SP6: variants seen among roughly 807,000 people sequenced by gnomAD.
SP6 encodes transcription factor Sp6.
A neutral mutation model predicts 23.4 loss-of-function variants in SP6; 10 were observed. That is an observed-to-expected ratio of 0.43 (90% CI 0.26 to 0.72). SP6 has a LOEUF of 0.72. Ranked by LOEUF, SP6 falls within the 30% of genes least tolerant of loss-of-function variation. The pLI is 0.23. For missense variants in SP6, 482 were observed against 523.8 expected, an observed-to-expected ratio of 0.92 and a Z score of 0.78; for synonymous variants, 238 against 238.7, an observed-to-expected ratio of 1.00 and a Z score of 0.03.
chr17:47,854,446 C>T (rs1323319610), upstream of SP6, among the ~76,000 whole-genome samples: 4 of 152,194 alleles, frequency 2.6e-5, no homozygotes, highest in Non-Finnish European at 5.9e-5. Flanking sequence ...GAGTTCAGAT[C>T]TCTCAGGTTC....
the SP6 span, among the ~76,000 whole-genome samples, chr17:47,864,282 A>G: frequency 6.6e-6 from 1 of 150,560 alleles, no homozygotes; most frequent in African/African-American, 2.4e-5. Flanking sequence ...TTGTTGTTTA[A>G]GAGACAAGAT....
At chr17:47,850,224 A>G (rs2033940042) in intron 1 of SP6, among the ~76,000 whole-genome samples, 1 of 152,162 alleles carries the variant, frequency 6.6e-6, no homozygotes, top group Admixed American at 6.5e-5. Flanking sequence ...TTCTCCTGGC[A>G]GAGAGCTGGA....
At chr17:47,853,701 C>A (rs2033978645), upstream of SP6, among the ~76,000 whole-genome samples, 1 of 152,214 alleles carries the variant, frequency 6.6e-6, no homozygotes, top group African/African-American at 2.4e-5. Context: ...CTGCCCCGAT[C>A]CAACCAGACC....
upstream of SP6, among the ~76,000 whole-genome samples, chr17:47,852,166 T>C (rs1323503142): frequency 6.6e-6 from 1 of 152,046 alleles, no homozygotes; most frequent in East Asian, 1.9e-4. Flanking sequence ...AAACCCAAGG[T>C]TCTTAACTTT....
the SP6 span, among the ~76,000 whole-genome samples, chr17:47,865,471 C>T: frequency 6.6e-6 from 1 of 152,150 alleles, no homozygotes; most frequent in Non-Finnish European, 1.5e-5. Flanking sequence ...TCCAACCCTC[C>T]TCCATCCTCC....
chr17:47,862,046 G>GAA, the SP6 span, among the ~76,000 whole-genome samples: 126 of 122,706 alleles, frequency 1.0e-3, 2 homozygotes, highest in African/African-American at 3.6e-3. Flanking sequence ...CCCTGTCTCA[G>GAA]AAAAAAAAAA....
At position 47,847,095 on chromosome 17, in the gene SP6, G is replaced by A. The variant is rs2033893454; in HGVS notation, c.*204C>T. The A allele has an allele frequency of 1.7e-6, 1 of 601,902 alleles. No individual in the cohort carries two copies. Among genetic ancestry groups the A allele is most frequent in the East Asian group, 2.9e-5 (1 of 34,960 alleles). 37.3% of individuals were successfully genotyped at this position (601,902 alleles called of 1,614,324 possible). A position where few individuals can be genotyped will look rare whatever the true frequency, so the allele number is the denominator to read the frequency against. On this transcript the variant is annotated 3_prime_UTR_variant, in exon 2 of 2. Coordinates refer to ENST00000536300, the MANE Select transcript of SP6 (RefSeq NM_001258248.2). ...AGAGGGGCATTGCGCAGCTCCTACC[G>A]ACCCAGTCAAATTCATCCTGCCTAG...
Position 47,848,951 on chromosome 17 carries a change from A to T in SP6, c.-57-465T>A, listed in dbSNP as rs1862411366. 6.6e-6 allele frequency among the ~76,000 whole-genome samples: 1 copy of T among 152,164 alleles called. No individual in the cohort carries two copies. The highest frequency in any genetic ancestry group is 2.4e-5 in the African/African-American group (1 of 41,418). On this transcript the variant is annotated intron_variant, in intron 1 of 1. Transcript: ENST00000536300. The surrounding 1 kb of genome is among the most constrained non-coding windows in gnomAD (Gnocchi z 5.3). Reference sequence around the variant, plus strand: ...GGGATGGTCTATTTCTGAAACCCAAAGCTTCAGGTGACCTGCCCCTCATAA... The same window carrying T: ...GGGATGGTCTATTTCTGAAACCCAATGCTTCAGGTGACCTGCCCCTCATAA...
In SP6 at chr17:47,848,279, C is replaced by T; in HGVS notation, c.151G>A (p.Glu51Lys). The T allele has an allele frequency of 1.2e-6, 2 of 1,612,360 alleles. No individual in the cohort carries two copies. The highest frequency in any genetic ancestry group is 1.7e-4 in the Middle Eastern group (1 of 6,008). ...GDYPSPLQPGELQSLPLGPEV... is the reference protein window; with the variant it reads ...GDYPSPLQPGKLQSLPLGPEV... ...GGGCCCAGCGGGAGGCTCTGCAGCT[C>T]TCCAGGCTGCAGCGGGGAGGGGTAG... Residue 51 changes from glutamate (E) to lysine (K), a missense_variant, in exon 2 of 2, where the codon GAG becomes AAG. Around this residue, in one of 3 missense-constraint regions of SP6, gnomAD observed 330 missense variants for 332.3 expected, o/e 0.99. Transcript: ENST00000536300. This position sits in a 1 kb window ranked among gnomAD's most constrained non-coding sequence, Gnocchi z 5.3.
upstream of SP6, among the ~76,000 whole-genome samples, chr17:47,858,672 T>A (rs2034014643): frequency 6.6e-6 from 1 of 151,964 alleles, no homozygotes; most frequent in Non-Finnish European, 1.5e-5. Context: ...TGACAAAAAT[T>A]ACTACTTGTC....
rs551352227 is a variant in SP6, at chr17:47,848,598, G to A, written c.-57-112C>T. The A allele has an allele frequency of 3.3e-6, 2 of 610,694 alleles. No homozygotes were observed. The highest frequency in any genetic ancestry group is 2.3e-5 in the South Asian group (1 of 43,266). The allele number at this position is 610,694 out of a possible 1,614,324, so 37.8% of individuals were successfully genotyped here. On this transcript the variant is annotated intron_variant, in intron 1 of 1. Transcript: ENST00000536300. The surrounding 1 kb of genome is among the most constrained non-coding windows in gnomAD (Gnocchi z 5.3). Reference sequence around the variant, plus strand: ...GTAAAAGAAGGATGCACCTCTGAACGAGGACTAGAGATGAGTTTAGAGAAT... The same window carrying A: ...GTAAAAGAAGGATGCACCTCTGAACAAGGACTAGAGATGAGTTTAGAGAAT...
chr17:47,864,457 G>C, the SP6 span: 1 of 149,724 alleles, frequency 6.7e-6, no homozygotes, highest in South Asian at 2.1e-4. Flanking sequence ...TTGTAGAGAT[G>C]GGTGTCTCGC....
the SP6 span, among the ~76,000 whole-genome samples, chr17:47,863,640 C>A: frequency 1.5e-4 from 23 of 150,248 alleles, no homozygotes; most frequent in African/African-American, 5.6e-4. Context: ...GCCATCTCCG[C>A]TCACTGCAAC....
chr17:47,867,188 A>T, the SP6 span, among the ~76,000 whole-genome samples: 2 of 152,184 alleles, frequency 1.3e-5, no homozygotes, highest in African/African-American at 4.8e-5. Context: ...ACAGGGCCTG[A>T]GAGCATGAGA....
chr17:47,865,360 C>T, the SP6 span, among the ~76,000 whole-genome samples: 2 of 152,054 alleles, frequency 1.3e-5, no homozygotes, highest in Non-Finnish European at 2.9e-5. Context: ...AGTGAAACGG[C>T]GCCGTGTCCC....
the SP6 span, among the ~76,000 whole-genome samples, chr17:47,873,770 C>G: frequency 6.6e-6 from 1 of 152,194 alleles, no homozygotes; most frequent in East Asian, 1.9e-4. Context: ...GAACCCCAGC[C>G]ATTGGCCTCC....
At chr17:47,873,167 G>A in the SP6 span, among the ~76,000 whole-genome samples, 1 of 152,084 alleles carries the variant, frequency 6.6e-6, no homozygotes, top group African/African-American at 2.4e-5. Context: ...TTCAAAAATC[G>A]TCAAATCAAG....
At chr17:47,858,730 A>T (rs937014715), upstream of SP6, among the ~76,000 whole-genome samples, 4 of 149,406 alleles carry the variant, frequency 2.7e-5, no homozygotes, top group African/African-American at 9.9e-5. Flanking sequence ...CCACCAACCT[A>T]AGCTTTCCTG....
the SP6 span, among the ~76,000 whole-genome samples, chr17:47,861,343 G>A: frequency 1.3e-5 from 2 of 152,212 alleles, no homozygotes; most frequent in Admixed American, 1.3e-4. Flanking sequence ...GCCCAGCATA[G>A]TGGACACATT....
Sources: gnomAD v4.1 joint callset for allele counts (sites outside exome capture counted in the v4.1 genomes callset) on GRCh38, gnomAD v4.1.1 for gene constraint, gnomAD v4.1.1 regional missense constraint, Gnocchi (gnomAD v3.1) non-coding constraint, MANE v1.5 for transcripts, NCBI Gene and HGNC (gene_info 2026-07-23, HGNC 2026-07-21) for gene names.